The following CDH26 variants were observed in gnomAD, a reference collection of about 807,000 sequenced individuals.
CDH26 encodes the protein cadherin 26, also known as cadherin-like protein 26.
CDH26 carries 83 observed loss-of-function variants against 90.3 expected under a neutral mutation model. The observed-to-expected ratio is 0.92, with a 90% confidence interval of 0.77 to 1.10. The LOEUF (loss-of-function observed/expected upper bound fraction) is 1.10. Ranked by LOEUF, CDH26 falls within the 50% of genes least tolerant of loss-of-function variation. The pLI is 0.00. For synonymous variants in CDH26, 397 were observed against 396.3 expected, an observed-to-expected ratio of 1.00 and a Z score of -0.02; for missense variants, 1,013 against 1,037.6, an observed-to-expected ratio of 0.98 and a Z score of 0.33.
At chr20:60,019,197 A>G (rs1392230631), downstream of CDH26, among the ~76,000 whole-genome samples, 1 of 152,130 alleles carries the variant, frequency 6.6e-6, no homozygotes. Flanking sequence ...GAGAGAATCT[A>G]TTTGGAGTGA....
intron 4 of CDH26, among the ~76,000 whole-genome samples, chr20:59,979,223 G>A (rs189291077): frequency 7.4e-5 from 10 of 135,040 alleles, no homozygotes; most frequent in South Asian, 6.9e-4. Flanking sequence ...TTTTTGAGAC[G>A]GAGTCTTGTT....
intron 1 of CDH26, among the ~76,000 whole-genome samples, chr20:59,967,876 T>TCTTC (rs1315479146): frequency 0.063 from 3,395 of 53,734 alleles, 273 homozygotes; most frequent in Admixed American, 0.1. Flanking sequence ...TTTCTTTCTT[T>TCTTC]CTTCCTTCCT....
chr20:59,973,857 C>G (rs2061294584), intron 4 of CDH26, among the ~76,000 whole-genome samples: 1 of 152,178 alleles, frequency 6.6e-6, no homozygotes, highest in Admixed American at 6.5e-5. Flanking sequence ...ATGAACATAC[C>G]CATGCATATG....
In CDH26 at chr20:60,030,595, C is replaced by G. The variant is rs2062032755; in HGVS notation, c.948-636C>G. Among the ~76,000 whole-genome samples, 1 of 152,088 alleles carries G rather than the reference C, an allele frequency of 6.6e-6. No homozygotes were observed. Among genetic ancestry groups the G allele is most frequent in the Non-Finnish European group, 1.5e-5 (1 of 68,020 alleles). On this transcript the variant is annotated intron_variant, in intron 7 of 8. Coordinates refer to the CDH26 transcript ENST00000370991. The surrounding 1 kb of genome is among the most constrained non-coding windows in gnomAD (Gnocchi z 4.0). ...ATTAGTTCAGAGATGTGCATTTTAC[C>G]CAAACTGAGCCAGTGAGAGTGGGGC...
intron 2 of CDH26, among the ~76,000 whole-genome samples, chr20:59,969,491 A>G (rs140950088): frequency 1.3e-4 from 20 of 152,360 alleles, no homozygotes; most frequent in African/African-American, 4.1e-4. Flanking sequence ...TAATGTGGCT[A>G]GAAACCAACT....
intron 13 of CDH26, among the ~76,000 whole-genome samples, chr20:59,998,736 C>T (rs1017529830): frequency 7.9e-5 from 12 of 152,162 alleles, no homozygotes; most frequent in African/African-American, 2.9e-4. Context: ...ATCTGACTTT[C>T]ATATATAAAG....
downstream of CDH26, among the ~76,000 whole-genome samples, chr20:60,035,051 A>G (rs568054565): frequency 3.9e-5 from 6 of 152,388 alleles, no homozygotes; most frequent in African/African-American, 1.4e-4. Context: ...ACCAATGTGT[A>G]AACTGAACCA....
chr20:59,999,427 C>G (rs2061645484), intron 13 of CDH26, among the ~76,000 whole-genome samples, 159 bp from the exon 14 acceptor site: 1 of 152,174 alleles, frequency 6.6e-6, no homozygotes, highest in African/African-American at 2.4e-5. Flanking sequence ...ATAAGTCATC[C>G]AGATTTACAG....
At position 59,987,650 on chromosome 20, in the gene CDH26, C is replaced by T. The variant is rs1185153650; in HGVS notation, c.1023+12C>T. ...TAAATGTTATCAAGGTAACACCATACCGGTGACATACCAACCAGTTAGTGG... is the reference window on the plus strand; with the variant it reads ...TAAATGTTATCAAGGTAACACCATATCGGTGACATACCAACCAGTTAGTGG... On this transcript the variant is annotated intron_variant, in intron 8 of 17. Coordinates refer to ENST00000348616, the MANE Select transcript of CDH26 (RefSeq NM_177980.4). The T allele has an allele frequency of 5.0e-6, 8 of 1,595,280 alleles. No homozygotes were observed. Among genetic ancestry groups the T allele is most frequent in the Admixed American group, 3.4e-5 (2 of 58,054 alleles).
intron 7 of CDH26, 71 bp from the exon 8 acceptor site, chr20:59,987,382 C>T: frequency 2.4e-6 from 3 of 1,250,240 alleles, no homozygotes; most frequent in Admixed American, 2.5e-5. Context: ...TCTCTCCCTC[C>T]TTCCTCTCTG....
At chr20:60,031,228 T>C in intron 7 of CDH26, 1 of 1,184,580 alleles carries the variant, frequency 8.4e-7, no homozygotes, top group South Asian at 1.7e-5. Context: ...CTGCTTTGTG[T>C]AGTCTAAAGA....
Position 59,969,023 on chromosome 20 carries a change from G to T in CDH26, c.126G>T (p.Lys42Asn). 6.3e-7 allele frequency: 1 copy of T among 1,584,820 alleles called. No individual in the cohort carries two copies. The highest frequency in any genetic ancestry group is 8.7e-7 in the Non-Finnish European group (1 of 1,154,572). ...CAGATGATCTTACTAAGCAAACAAA[G>T]GTGAGGTTTGGAAGTCAGTTTCTTA... Reference protein sequence around the residue: ...QETDDLTKQTKEKIYQPLRRS... With the variant: ...QETDDLTKQTNEKIYQPLRRS... The change falls in exon 2 of 18, where the codon AAG becomes AAT. Residue 42 changes from lysine to asparagine, a missense_variant and splice_region_variant. Lys to Asn is a moderately conservative substitution (Grantham distance 94). Transcript: ENST00000348616.
chr20:60,034,811 T>C (rs530477579), downstream of CDH26, among the ~76,000 whole-genome samples: 23 of 152,340 alleles, frequency 1.5e-4, no homozygotes, highest in African/African-American at 5.3e-4. Flanking sequence ...GGTTGGCGAC[T>C]GAACACCACA....
At chr20:59,974,776 A>T (rs545518020) in intron 4 of CDH26, among the ~76,000 whole-genome samples, 86 of 152,310 alleles carry the variant, frequency 5.6e-4, no homozygotes, top group African/African-American at 1.9e-3. Context: ...ATTCTGAGGC[A>T]TGCCCCAACC....
chr20:59,966,389 T>C (rs1447304639), intron 1 of CDH26, among the ~76,000 whole-genome samples: 1 of 152,250 alleles, frequency 6.6e-6, no homozygotes, highest in African/African-American at 2.4e-5. Context: ...TTAAAAGATG[T>C]ACACTCAAGT....
chr20:60,031,678 G>T (rs184366307), intron 8 of CDH26, among the ~76,000 whole-genome samples: 1 of 152,344 alleles, frequency 6.6e-6, no homozygotes, highest in Admixed American at 6.5e-5. Context: ...TCTTTACAGA[G>T]AGGCTGGGAG....
intron 9 of CDH26, among the ~76,000 whole-genome samples, chr20:59,990,039 C>A (rs560686400): frequency 6.6e-6 from 1 of 152,302 alleles, no homozygotes; most frequent in African/African-American, 2.4e-5. Context: ...TTCTCCAGCT[C>A]CTGGCCTCCA....
intron 7 of CDH26, among the ~76,000 whole-genome samples, chr20:60,019,780 A>G (rs762610622): frequency 1.2e-4 from 19 of 152,160 alleles, no homozygotes; most frequent in Non-Finnish European, 2.5e-4. Context: ...TTTTGTGTTT[A>G]ATGTGTCCCT....
chr20:60,009,030 G>C (rs1188039053), intron 17 of CDH26, among the ~76,000 whole-genome samples: 3 of 152,168 alleles, frequency 2.0e-5, no homozygotes, highest in Non-Finnish European at 4.4e-5. Flanking sequence ...TGTCTCTCCC[G>C]AGCCGACTGT....
Sources: allele counts gnomAD v4.1 joint callset (sites outside exome capture counted in the v4.1 genomes callset), GRCh38; gene constraint gnomAD v4.1.1; non-coding constraint Gnocchi (gnomAD v3.1); transcripts MANE v1.5; gene names NCBI Gene and HGNC (gene_info 2026-07-23, HGNC 2026-07-21).